Variants in GRB2 observed in about 807,000 individuals in gnomAD.
The protein encoded by GRB2 is growth factor receptor bound protein 2.
In GRB2, 2 loss-of-function variants were observed where a neutral mutation model predicts 27.4. The ratio of observed to expected loss-of-function variants is 0.07; its 90% CI spans 0.03 to 0.23. The LOEUF is 0.23. Ranked by LOEUF, GRB2 falls within the 10% of genes least tolerant of loss-of-function variation. The probability of loss-of-function intolerance (pLI) is 1.00; values close to 1 mark genes in which losing one functional copy is unlikely to be tolerated. For missense variants in GRB2, 102 were observed against 282.4 expected (o/e 0.36, Z 4.58); for synonymous variants, 94 against 99.6 (o/e 0.94, Z 0.33).
intron 3 of GRB2, among the ~76,000 whole-genome samples, chr17:75,326,898 T>C (rs1299490301): frequency 6.6e-6 from 1 of 152,166 alleles, no homozygotes; most frequent in East Asian, 1.9e-4. Flanking sequence ...GTGAAAACCA[T>C]GTTCTCTTCT....
Position 75,364,119 on chromosome 17 carries a change from T to C in GRB2, c.78+29432A>G, listed in dbSNP as rs544287977. On this transcript the variant is annotated intron_variant, in intron 2 of 5. Coordinates refer to ENST00000316804, the MANE Select transcript of GRB2 (RefSeq NM_002086.5). ...TTAACCATAACCAAATGGAACTCAG[T>C]ATGTTCCAAAAAATATTCTATCTCC... is the stretch of plus-strand genomic sequence containing the variant. 5.9e-5 allele frequency among the ~76,000 whole-genome samples: 9 copies of C among 152,266 alleles called. No individual in the cohort carries two copies. The South Asian group carries it at 1.7e-3, about 28-fold the overall frequency.
At chr17:75,401,117 C>T (rs2079060708) in intron 1 of GRB2, among the ~76,000 whole-genome samples, 1 of 151,960 alleles carries the variant, frequency 6.6e-6, no homozygotes, top group African/African-American at 2.4e-5. Context: ...TATCCTATTT[C>T]TGTAAGGCAA....
rs772895304 is a variant in GRB2, at chr17:75,320,349, A to C, written c.*19T>G. 2.5e-6 allele frequency: 4 copies of C among 1,601,484 alleles called. No homozygotes were observed. The South Asian group carries it at 4.4e-5, about 18-fold the overall frequency. On this transcript the variant is annotated 3_prime_UTR_variant, in exon 6 of 6. Transcript: ENST00000316804. The surrounding 1 kb of genome is among the most constrained non-coding windows in gnomAD (Gnocchi z 4.3). ...TGTTTTACATTTTTCACTTTCTTTA[A>C]ATAATTGCTTCTTGACTCTTAGACG...
intron 2 of GRB2, among the ~76,000 whole-genome samples, chr17:75,352,204 G>A (rs1003162311): frequency 6.6e-6 from 1 of 152,176 alleles, no homozygotes; most frequent in Admixed American, 6.5e-5. Context: ...GAGGGCTGGG[G>A]GGCAGGGCAG....
chr17:75,331,555 T>C (rs943541325), intron 3 of GRB2, among the ~76,000 whole-genome samples: 2 of 152,218 alleles, frequency 1.3e-5, no homozygotes, highest in African/African-American at 4.8e-5. Flanking sequence ...TGAATTCCCT[T>C]TCAATCTGAA....
intron 2 of GRB2, chr17:75,338,739 G>A (rs2145831192): frequency 5.7e-6 from 3 of 524,288 alleles, no homozygotes; most frequent in Non-Finnish European, 1.0e-5. Context: ...AAATCAGGAA[G>A]AAATTTAAGA....
chr17:75,399,929 C>T (rs950815577), intron 1 of GRB2, among the ~76,000 whole-genome samples: 1 of 152,140 alleles, frequency 6.6e-6, no homozygotes, highest in African/African-American at 2.4e-5. Context: ...CTCAGCCTCC[C>T]AAAGTGCTGG....
chr17:75,389,698 T>C (rs779773080), intron 2 of GRB2, among the ~76,000 whole-genome samples: 11 of 151,942 alleles, frequency 7.2e-5, no homozygotes, highest in Non-Finnish European at 1.5e-4. Flanking sequence ...TACAAAAAAT[T>C]AGCCGGGCGT....
chr17:75,394,879 T>A (rs759701552), intron 1 of GRB2: 6 of 152,194 alleles, frequency 3.9e-5, no homozygotes, highest in African/African-American at 1.4e-4. Context: ...AGTAGTACAA[T>A]GAACGGTGTA....
chr17:75,339,187 G>A (rs1198135575), intron 2 of GRB2: 10 of 781,072 alleles, frequency 1.3e-5, no homozygotes, highest in Non-Finnish European at 1.7e-5. Context: ...ATAAAATCCT[G>A]AGTTTATGTT....
intron 3 of GRB2, among the ~76,000 whole-genome samples, chr17:75,330,200 A>G (rs910425669): frequency 3.1e-4 from 47 of 151,824 alleles, no homozygotes; most frequent in African/African-American, 1.1e-3. Flanking sequence ...TGACCAACAC[A>G]GTGAAACCCC....
intron 2 of GRB2, among the ~76,000 whole-genome samples, chr17:75,353,706 G>A (rs1410207066): frequency 6.6e-6 from 1 of 151,792 alleles, no homozygotes; most frequent in African/African-American, 2.4e-5. Flanking sequence ...GTTGCAGTGA[G>A]CCGAGACTGC....
rs1335567952 is a variant in GRB2 at position 75,318,215 on chromosome 17, C to T, written c.*2153G>A. On this transcript the variant is annotated 3_prime_UTR_variant, in exon 6 of 6. Coordinates refer to ENST00000316804, the MANE Select transcript of GRB2 (RefSeq NM_002086.5). Reference sequence around the variant, plus strand: ...AAATATATACACACAAAACTTAGTTCAGCAAGGCTTCATGATATACACCAA... The same window carrying T: ...AAATATATACACACAAAACTTAGTTTAGCAAGGCTTCATGATATACACCAA... 2 of 152,276 alleles carry T rather than the reference C, an allele frequency of 1.3e-5. No individual in the cohort carries two copies. The highest frequency in any genetic ancestry group is 1.3e-4 in the Admixed American group (2 of 15,266). The allele number at this position is 152,276 out of a possible 1,614,324, so 9.4% of individuals were successfully genotyped here. A position where few individuals can be genotyped will look rare whatever the true frequency, so the allele number is the denominator to read the frequency against.
chr17:75,362,735 A>G (rs1051461406), intron 2 of GRB2, among the ~76,000 whole-genome samples: 12 of 152,202 alleles, frequency 7.9e-5, no homozygotes, highest in African/African-American at 2.7e-4. Context: ...TTTTGTATTC[A>G]AAATCTAGCC....
chr17:75,324,999 C>T (rs532378391), intron 4 of GRB2, among the ~76,000 whole-genome samples: 1 of 152,230 alleles, frequency 6.6e-6, no homozygotes, highest in Admixed American at 6.5e-5. Flanking sequence ...CTGCTTGAAC[C>T]TGGGAGGTGG....
chr17:75,396,244 C>G (rs994497419), intron 1 of GRB2, among the ~76,000 whole-genome samples: 1 of 151,188 alleles, frequency 6.6e-6, no homozygotes, highest in Admixed American at 6.6e-5. Flanking sequence ...TTTACTTTTT[C>G]TTTTCTCTTT....
chr17:75,321,512 C>A (rs2078459638), intron 5 of GRB2, 147 bp downstream of exon 5: 1 of 685,848 alleles, frequency 1.5e-6, no homozygotes, highest in Non-Finnish European at 2.5e-6. Flanking sequence ...TGGAGGGTAA[C>A]ATTTTCAGTA....
At chr17:75,397,368 A>G (rs2079035062) in intron 1 of GRB2, among the ~76,000 whole-genome samples, 1 of 152,228 alleles carries the variant, frequency 6.6e-6, no homozygotes, top group Non-Finnish European at 1.5e-5. Flanking sequence ...AAAATGGGGT[A>G]TAGTGTACTT....
At chr17:75,345,374 G>A (rs1199242193) in intron 2 of GRB2, among the ~76,000 whole-genome samples, 1 of 152,214 alleles carries the variant, frequency 6.6e-6, no homozygotes, top group South Asian at 2.1e-4. Context: ...TTCCACGTAA[G>A]ACTATGATTC....
Sources: gnomAD v4.1 joint callset for allele counts (sites outside exome capture counted in the v4.1 genomes callset) on GRCh38, gnomAD v4.1.1 for gene constraint, Gnocchi (gnomAD v3.1) non-coding constraint, MANE v1.5 for transcripts, NCBI Gene and HGNC (gene_info 2026-07-23, HGNC 2026-07-21) for gene names.